The following ZNF141 variants were observed in gnomAD, a reference collection of about 807,000 sequenced individuals.
ZNF141 encodes the protein zinc finger protein 141 (clone pHZ-44).
In ZNF141, 7 loss-of-function variants were observed where a neutral mutation model predicts 11.3. The ratio of observed to expected loss-of-function variants is 0.62; its 90% CI spans 0.35 to 1.16. The LOEUF (loss-of-function observed/expected upper bound fraction) is 1.16. Ranked by LOEUF, ZNF141 falls within the 50% of genes most tolerant of loss-of-function variation. ZNF141 has a pLI of 0.02. For synonymous variants in ZNF141, 183 were observed against 190.7 expected (o/e 0.96, Z 0.33); for missense variants, 535 against 554.0 (o/e 0.97, Z 0.34).
intron 3 of ZNF141, among the ~76,000 whole-genome samples, chr4:350,784 G>T (rs1001218662): frequency 1.3e-5 from 2 of 152,126 alleles, no homozygotes; most frequent in African/African-American, 4.8e-5. Flanking sequence ...CTGTGGCTCA[G>T]GCTGGAGTGC....
At chr4:340,308 CAA>C (rs1415517620) in intron 1 of ZNF141, among the ~76,000 whole-genome samples, 1 of 152,234 alleles carries the variant, frequency 6.6e-6, no homozygotes, top group African/African-American at 2.4e-5. Flanking sequence ...AAGCTGCAAA[CAA>C]AATGATCTCT....
chr4:383,394 C>G lies in ZNF141; in HGVS notation c.*9532C>G. 1 of 412,146 alleles carries G rather than the reference C, an allele frequency of 2.4e-6. No homozygotes were observed. The highest frequency in any genetic ancestry group is 3.5e-5 in the East Asian group (1 of 28,306). The allele number at this position is 412,146 out of a possible 1,614,324, so 25.5% of individuals were successfully genotyped here. On this transcript the variant is annotated 3_prime_UTR_variant, in exon 4 of 4. Coordinates refer to ENST00000240499, the MANE Select transcript of ZNF141 (RefSeq NM_003441.4). ...AGACAGGATCTCAGGACAGATTGAT[C>G]ACAAATAACCTGCAAATGCTTGCCA...
rs1712393532 is a variant in ZNF141, at chr4:376,780, C to A, written c.*2918C>A. Among the ~76,000 whole-genome samples the A allele has an allele frequency of 6.6e-6, 1 of 151,930 alleles. No homozygotes were observed. The highest frequency in any genetic ancestry group is 1.5e-5 in the Non-Finnish European group (1 of 67,938). The stretch of plus-strand genomic sequence containing the variant: ...AGAACAAAGAAGATTATGTTAATAC[C>A]ATGGATAATTTACTGGAAATCTAGA... On this transcript the variant is annotated 3_prime_UTR_variant, in exon 4 of 4. Coordinates refer to ENST00000240499, the MANE Select transcript of ZNF141 (RefSeq NM_003441.4).
At chr4:369,915 C>T (rs977259518) in intron 3 of ZNF141, among the ~76,000 whole-genome samples, 6 of 150,468 alleles carry the variant, frequency 4.0e-5, no homozygotes, top group East Asian at 2.0e-4. Context: ...TACAGGCACA[C>T]GCCACCATGC....
At chr4:347,640 C>G (rs970305882) in intron 3 of ZNF141, among the ~76,000 whole-genome samples, 1 of 151,382 alleles carries the variant, frequency 6.6e-6, no homozygotes. Flanking sequence ...AGCCCGGCCG[C>G]GCCCAGCCTA....
chr4:349,075 A>G (rs1403001342), intron 3 of ZNF141, among the ~76,000 whole-genome samples: 2 of 151,980 alleles, frequency 1.3e-5, no homozygotes, highest in East Asian at 1.9e-4. Context: ...TTTTTATACT[A>G]TTGCAAATGG....
rs1013716275 is a variant in ZNF141 at position 381,500 on chromosome 4, C to T, written c.*7638C>T. Among the ~76,000 whole-genome samples, 15 of 148,090 alleles carry T rather than the reference C, an allele frequency of 1.0e-4. No homozygotes were observed. The highest frequency in any genetic ancestry group is 3.5e-4 in the African/African-American group (14 of 39,766). ...CTCGGCTCACTGCAACCTCCGCCTC[C>T]TGGGTTCACACAATTTGCCTGCCTC... On this transcript the variant is annotated 3_prime_UTR_variant, in exon 4 of 4. Coordinates refer to ENST00000240499, the MANE Select transcript of ZNF141 (RefSeq NM_003441.4).
intron 3 of ZNF141, among the ~76,000 whole-genome samples, chr4:354,399 G>A (rs1234494959): frequency 3.3e-5 from 5 of 152,310 alleles, no homozygotes; most frequent in South Asian, 4.1e-4. Context: ...TGTGGTTATT[G>A]TAAATGTAAA....
chr4:345,656 A>T (rs1721284661), intron 3 of ZNF141, among the ~76,000 whole-genome samples: 2 of 149,662 alleles, frequency 1.3e-5, no homozygotes, highest in Non-Finnish European at 3.0e-5. Flanking sequence ...TGAACCCAGG[A>T]GACGGAGGTT....
Position 372,867 on chromosome 4 carries a change from A to T in ZNF141, c.430A>T (p.Ile144Leu). The stretch of plus-strand genomic sequence containing the variant: ...ATGCTTGTCAACTACCCAGAGCAAA[A>T]TACTTCAGTGTAAAGCAAGTGTCAA... The part of the protein sequence containing the change: ...NECLSTTQSK[I>L]LQCKASVKVV... Residue 144 changes from isoleucine (I) to leucine (L), a missense_variant, in exon 4 of 4, where the codon ATA (isoleucine) becomes TTA (leucine). Physicochemically the swap from Ile to Leu is conservative, Grantham distance 5. Transcript: ENST00000240499. 1.2e-6 allele frequency: 2 copies of T among 1,613,036 alleles called. No individual in the cohort carries two copies. The highest frequency in any genetic ancestry group is 1.7e-6 in the Non-Finnish European group (2 of 1,179,218).
At position 374,148 on chromosome 4, in the gene ZNF141, A is replaced by C; in HGVS notation, c.*286A>C. 1 of 426,032 alleles carries C rather than the reference A, an allele frequency of 2.3e-6. No individual in the cohort carries two copies. The highest frequency in any genetic ancestry group is 2.8e-5 in the South Asian group (1 of 35,164). The allele number at this position is 426,032 out of a possible 1,614,324, so 26.4% of individuals were successfully genotyped here. Reference sequence around the variant, plus strand: ...CTGCAAATGTAAAGAGTGTAACAAAACCTTTAAACAGCCCTCACCGGTGAA... The same window carrying C: ...CTGCAAATGTAAAGAGTGTAACAAACCCTTTAAACAGCCCTCACCGGTGAA... On this transcript the variant is annotated 3_prime_UTR_variant, in exon 4 of 4. Coordinates refer to ENST00000240499, the MANE Select transcript of ZNF141 (RefSeq NM_003441.4).
In ZNF141 at chr4:363,494, C is replaced by T. The variant is rs201159682; in HGVS notation, c.227-9170C>T. The stretch of plus-strand genomic sequence containing the variant: ...CTTCCTGCCCGGGCGCAGTGGGTTA[C>T]GCCTGTAATCCTAGCACTTTGGGAG... On this transcript the variant is annotated intron_variant, in intron 3 of 3. Coordinates refer to ENST00000240499, the MANE Select transcript of ZNF141 (RefSeq NM_003441.4). 1.8e-4 allele frequency among the ~76,000 whole-genome samples: 28 copies of T among 152,184 alleles called. No individual in the cohort carries two copies. In the East Asian group the frequency reaches 2.5e-3, roughly 14 times the overall value.
chr4:355,619 A>G (rs569698784), intron 3 of ZNF141, among the ~76,000 whole-genome samples: 1 of 152,284 alleles, frequency 6.6e-6, no homozygotes, highest in South Asian at 2.1e-4. Flanking sequence ...TCGTTAACCT[A>G]TGTATTTCCT....
At chr4:354,194 C>G (rs1721742335) in intron 3 of ZNF141, among the ~76,000 whole-genome samples, 1 of 152,180 alleles carries the variant, frequency 6.6e-6, no homozygotes, top group South Asian at 2.1e-4. Flanking sequence ...ATATCTAGAG[C>G]ACTAACCAGT....
intron 3 of ZNF141, among the ~76,000 whole-genome samples, chr4:357,527 A>G (rs1721899931): frequency 6.6e-6 from 1 of 151,898 alleles, no homozygotes; most frequent in African/African-American, 2.4e-5. Flanking sequence ...TTTAAGCTTC[A>G]TAAAACTGAA....
At chr4:344,713 G>A (rs1553849265) in intron 3 of ZNF141, among the ~76,000 whole-genome samples, 1 of 152,178 alleles carries the variant, frequency 6.6e-6, no homozygotes, top group Non-Finnish European at 1.5e-5. Flanking sequence ...AGAATCACTT[G>A]AACCCAGGAG....
chr4:377,391 A>G lies in ZNF141; in HGVS notation c.*3529A>G. Among the ~76,000 whole-genome samples the G allele has an allele frequency of 6.6e-6, 1 of 152,214 alleles. No individual in the cohort carries two copies. Among genetic ancestry groups the G allele is most frequent in the East Asian group, 1.9e-4 (1 of 5,198 alleles). ...GGCATTAATTGTGCATGTGGAGAGG[A>G]CGTCTGTTCTCAGGCTGCAGAACCA... On this transcript the variant is annotated 3_prime_UTR_variant, in exon 4 of 4. Coordinates refer to ENST00000240499, the MANE Select transcript of ZNF141 (RefSeq NM_003441.4).
At chr4:372,113 C>G (rs1712096949) in intron 3 of ZNF141, among the ~76,000 whole-genome samples, 1 of 152,184 alleles carries the variant, frequency 6.6e-6, no homozygotes, top group Non-Finnish European at 1.5e-5. Flanking sequence ...TCTCTAATCA[C>G]TTGTTCTACG....
rs1560203165 is a variant in ZNF141, at chr4:378,834, G to GTTTT, written c.*4972_*4973insTTTT. On this transcript the variant is annotated 3_prime_UTR_variant, in exon 4 of 4. Coordinates refer to ENST00000240499, the MANE Select transcript of ZNF141 (RefSeq NM_003441.4). Reference sequence around the variant, plus strand: ...TGTTGAATCCAAACAGTTTCTCAGTGATTTTTTTTTTTTTTTTTTTTTTTT... The same window carrying GTTTT: ...TGTTGAATCCAAACAGTTTCTCAGTGTTTTATTTTTTTTTTTTTTTTTTTTTTTT... 1.9e-4 allele frequency among the ~76,000 whole-genome samples: 20 copies of GTTTT among 103,050 alleles called. No homozygotes were observed. The highest frequency in any genetic ancestry group is 6.0e-4 in the African/African-American group (13 of 21,574). 67.6% of individuals were successfully genotyped at this position (103,050 alleles called of 152,430 possible). A position where few individuals can be genotyped will look rare whatever the true frequency, so the allele number is the denominator to read the frequency against.
Sources: gnomAD v4.1 joint callset for allele counts (sites outside exome capture counted in the v4.1 genomes callset) on GRCh38, gnomAD v4.1.1 for gene constraint, MANE v1.5 for transcripts, NCBI Gene and HGNC (gene_info 2026-07-23, HGNC 2026-07-21) for gene names.